The following CCSER1 variants were observed in gnomAD, a reference collection of about 807,000 sequenced individuals.
The protein encoded by CCSER1 is serine-rich coiled-coil domain-containing protein 1.
Under a neutral mutation model 82.0 loss-of-function variants are expected in CCSER1, and 41 were observed. That is an observed-to-expected ratio of 0.50 (90% CI 0.39 to 0.65). CCSER1 has a LOEUF of 0.65. Among genes scored for constraint, CCSER1 ranks in the 30% least tolerant of loss-of-function variants. The pLI, the probability that CCSER1 is intolerant of heterozygous loss-of-function variation, is 0.00. For synonymous variants in CCSER1, 414 were observed against 383.9 expected (o/e 1.08, Z -0.92); for missense variants, 1,119 against 1,064.2 (o/e 1.05, Z -0.72).
chr4:90,747,982 C>CATCATT (rs1747803677), intron 7 of CCSER1, among the ~76,000 whole-genome samples: 1 of 150,140 alleles, frequency 6.7e-6, no homozygotes, highest in Non-Finnish European at 1.5e-5. Flanking sequence ...GACATGAACT[C>CATCATT]ATCATTTTTT....
chr4:91,086,304 A>G lies in CCSER1; in HGVS notation c.2217+310A>G, dbSNP rs79192681. Among the ~76,000 whole-genome samples the G allele has an allele frequency of 7.9e-3, 1,206 of 152,214 alleles. 16 individuals are homozygous for G. Among genetic ancestry groups the G allele is most frequent in the African/African-American group, 0.026 (1,081 of 41,568 alleles). ...TTTCACAGGGGGCAGAAACATTACA[A>G]TGCAATTTTTAAAACTGACTTACTG... On this transcript the variant is annotated intron_variant, in intron 10 of 10. Coordinates refer to ENST00000509176, the MANE Select transcript of CCSER1 (RefSeq NM_001145065.2).
intron 10 of CCSER1, among the ~76,000 whole-genome samples, chr4:91,420,440 T>A (rs1009104838): frequency 6.6e-6 from 1 of 152,066 alleles, no homozygotes; most frequent in Non-Finnish European, 1.5e-5. Context: ...TATAAAAAGG[T>A]ACTCAACATC....
chr4:90,905,340 C>T (rs952775387), intron 8 of CCSER1, among the ~76,000 whole-genome samples: 3 of 143,740 alleles, frequency 2.1e-5, no homozygotes, highest in African/African-American at 5.2e-5. Context: ...TCTCCTTGCT[C>T]ACTACGTTCT....
At chr4:91,391,332 ACT>A (rs1484576234) in intron 10 of CCSER1, among the ~76,000 whole-genome samples, 1 of 151,978 alleles carries the variant, frequency 6.6e-6, no homozygotes, top group Admixed American at 6.6e-5. Context: ...ACAGCATCTC[ACT>A]CTGTCACCCA....
intron 10 of CCSER1, among the ~76,000 whole-genome samples, chr4:91,255,328 C>T (rs1740602644): frequency 6.6e-6 from 1 of 152,138 alleles, no homozygotes; most frequent in Non-Finnish European, 1.5e-5. Context: ...AAAGTGCTTA[C>T]AATAATGTCT....
intron 5 of CCSER1, among the ~76,000 whole-genome samples, chr4:90,605,404 A>T (rs138943071): frequency 6.6e-6 from 1 of 152,334 alleles, no homozygotes; most frequent in East Asian, 1.9e-4. Context: ...TAAAGTTGAT[A>T]TTTATAATTC....
At chr4:91,221,642 G>T (rs1026116537) in intron 10 of CCSER1, among the ~76,000 whole-genome samples, 43 of 152,210 alleles carry the variant, frequency 2.8e-4, no homozygotes, top group Middle Eastern at 6.8e-3. Flanking sequence ...AGTTCGAACT[G>T]ATCTTTAAAG....
intron 1 of CCSER1, among the ~76,000 whole-genome samples, chr4:90,287,561 A>G (rs114958221): frequency 0.011 from 1,627 of 152,038 alleles, 14 homozygotes; most frequent in African/African-American, 0.023. Context: ...AAGCCATTCA[A>G]GATGAGGACA....
chr4:90,907,996 AT>A (rs1408869262), intron 8 of CCSER1, among the ~76,000 whole-genome samples: 3 of 152,106 alleles, frequency 2.0e-5, no homozygotes, highest in African/African-American at 7.2e-5. Flanking sequence ...CCAATTCTTC[AT>A]TTTTTAAAAA....
chr4:90,633,744 C>T (rs771995092), intron 6 of CCSER1, among the ~76,000 whole-genome samples: 5 of 151,752 alleles, frequency 3.3e-5, no homozygotes, highest in African/African-American at 9.7e-5. Flanking sequence ...CTGAGCTTAC[C>T]GTTTTCCTAG....
chr4:90,937,480 AACAC>A (rs148799317), intron 9 of CCSER1, among the ~76,000 whole-genome samples: 22 of 146,144 alleles, frequency 1.5e-4, no homozygotes, highest in African/African-American at 2.9e-4. Context: ...TCTAATTTGA[AACAC>A]ACACACACAC....
chr4:91,401,434 A>G (rs960039489), intron 10 of CCSER1, among the ~76,000 whole-genome samples: 8 of 150,914 alleles, frequency 5.3e-5, no homozygotes, highest in African/African-American at 1.9e-4. Flanking sequence ...GTTCTAGGGT[A>G]CATGTGCACA....
chr4:91,166,810 G>T (rs1732133197), intron 10 of CCSER1, among the ~76,000 whole-genome samples: 1 of 151,896 alleles, frequency 6.6e-6, no homozygotes, highest in Admixed American at 6.6e-5. Flanking sequence ...TCATTTATTT[G>T]CTTTAATTTT....
intron 9 of CCSER1, among the ~76,000 whole-genome samples, chr4:91,073,530 C>G (rs1721645611): frequency 6.6e-6 from 1 of 151,950 alleles, no homozygotes; most frequent in African/African-American, 2.4e-5. Context: ...CTAAGTAAGA[C>G]TAACATTAGA....
intron 5 of CCSER1, among the ~76,000 whole-genome samples, chr4:90,606,178 C>CT (rs1784679102): frequency 6.9e-6 from 1 of 144,664 alleles, no homozygotes; most frequent in African/African-American, 2.7e-5. Flanking sequence ...TGGCCATTAT[C>CT]TCTTCCTTGC....
chr4:90,917,261 A>C (rs1727608914), intron 8 of CCSER1, among the ~76,000 whole-genome samples: 1 of 152,234 alleles, frequency 6.6e-6, no homozygotes, highest in Admixed American at 6.5e-5. Flanking sequence ...ACTTGGAACC[A>C]AGCCAAATGT....
intron 8 of CCSER1, among the ~76,000 whole-genome samples, chr4:90,833,215 T>C (rs1421549150): frequency 6.6e-6 from 1 of 152,204 alleles, no homozygotes; most frequent in Admixed American, 6.5e-5. Context: ...TGCTGCGCTG[T>C]GTCCTCAAAT....
intron 10 of CCSER1, among the ~76,000 whole-genome samples, chr4:91,415,979 AC>A (rs1753338286): frequency 6.6e-6 from 1 of 152,010 alleles, no homozygotes; most frequent in African/African-American, 2.4e-5. Context: ...CAGGAATGGT[AC>A]TCTTATTTTA....
rs573948608 is a variant in CCSER1, at chr4:91,183,469, C to T, written c.2217+97475C>T. On this transcript the variant is annotated intron_variant, in intron 10 of 10. Coordinates refer to ENST00000509176, the MANE Select transcript of CCSER1 (RefSeq NM_001145065.2). Reference sequence around the variant, plus strand: ...TTAATTTCAAAAACTGAAACAGCTTCGTTTTAGGAAAATTATCAGCAATAC... The same window carrying T: ...TTAATTTCAAAAACTGAAACAGCTTTGTTTTAGGAAAATTATCAGCAATAC... 1.2e-3 allele frequency among the ~76,000 whole-genome samples: 177 copies of T among 152,232 alleles called. 3 individuals are homozygous for T. Among genetic ancestry groups the T allele is most frequent in the African/African-American group, 3.9e-3 (161 of 41,564 alleles).
Sources: gnomAD v4.1 joint callset for allele counts (sites outside exome capture counted in the v4.1 genomes callset) on GRCh38, gnomAD v4.1.1 for gene constraint, MANE v1.5 for transcripts, NCBI Gene and HGNC (gene_info 2026-07-23, HGNC 2026-07-21) for gene names.